ELMO1: variants seen among roughly 807,000 people sequenced by gnomAD.
The protein encoded by ELMO1 is engulfment and cell motility 1.
ELMO1 carries 26 observed loss-of-function variants against 98.9 expected under a neutral mutation model. The observed-to-expected ratio is 0.26, with a 90% CI of 0.19 to 0.36. The LOEUF (loss-of-function observed/expected upper bound fraction) is 0.36, where lower values mean the gene tolerates loss of function less well. ELMO1 is among the 10% of genes least tolerant of loss of function. The pLI is 1.00. For missense variants in ELMO1, 627 were observed against 935.2 expected (o/e 0.67, Z 4.30); for synonymous variants, 346 against 346.0 (o/e 1.00, Z 0.00).
intron 1 of ELMO1, among the ~76,000 whole-genome samples, chr7:37,349,706 G>T (rs2724013): frequency 0.37 from 56,738 of 151,964 alleles, 11,056 homozygotes; most frequent in Middle Eastern, 0.48. Context: ...TGCCCACCTC[G>T]GCCTCCCCAA....
chr7:37,130,993 C>T (rs1786882577), intron 14 of ELMO1, among the ~76,000 whole-genome samples: 1 of 151,984 alleles, frequency 6.6e-6, no homozygotes, highest in Non-Finnish European at 1.5e-5. Flanking sequence ...CAGAAAAGAC[C>T]ATTGAGCTCA....
At chr7:37,170,555 C>G (rs1348937355) in intron 13 of ELMO1, among the ~76,000 whole-genome samples, 2 of 120,402 alleles carry the variant, frequency 1.7e-5, no homozygotes, top group Admixed American at 9.1e-5. Flanking sequence ...CTAACTTACT[C>G]TTTTATTTCC....
At chr7:37,437,248 A>G (rs1289203074) in intron 1 of ELMO1, among the ~76,000 whole-genome samples, 1 of 152,232 alleles carries the variant, frequency 6.6e-6, no homozygotes, top group African/African-American at 2.4e-5. Flanking sequence ...TGGAATCAAG[A>G]AAAGGGAAAG....
intron 1 of ELMO1, among the ~76,000 whole-genome samples, chr7:37,442,990 T>C (rs1471616282): frequency 6.6e-6 from 1 of 152,242 alleles, no homozygotes; most frequent in Non-Finnish European, 1.5e-5. Flanking sequence ...TGACATTTCA[T>C]TCCTCCAAGC....
chr7:37,027,866 G>C (rs896875606), intron 15 of ELMO1, among the ~76,000 whole-genome samples: 2 of 152,032 alleles, frequency 1.3e-5, no homozygotes, highest in Non-Finnish European at 2.9e-5. Context: ...GAATGCTAAA[G>C]GATAAGGCAT....
At chr7:37,331,969 G>A (rs1483679414) in intron 2 of ELMO1, among the ~76,000 whole-genome samples, 1 of 152,158 alleles carries the variant, frequency 6.6e-6, no homozygotes, top group Non-Finnish European at 1.5e-5. Flanking sequence ...AAGCAAGGCA[G>A]ACAGGCAGAT....
chr7:36,906,119 G>C (rs1159541661), intron 16 of ELMO1, among the ~76,000 whole-genome samples: 4 of 152,222 alleles, frequency 2.6e-5, no homozygotes, highest in Admixed American at 1.3e-4. Context: ...CATCAGGCAA[G>C]GCTGCTGAAC....
Position 37,222,681 on chromosome 7 carries a change from T to G in ELMO1, c.714A>C (p.Glu238Asp), listed in dbSNP as rs537643098. The G allele has an allele frequency of 3.7e-6, 6 of 1,613,918 alleles. No homozygotes were observed. In the South Asian group the frequency reaches 4.4e-5, roughly 12 times the overall value. ...TCACTGCAATAGTATAGGTTTGGATTTCTTGATCTGACCTGTAAAGATAGA... is the reference window on the plus strand; with the variant it reads ...TCACTGCAATAGTATAGGTTTGGATGTCTTGATCTGACCTGTAAAGATAGA... ...LIPHLQGSDQ[E>D]IQTYTIAVIN... Residue 238 changes from glutamate to aspartate, a missense_variant, in exon 10 of 22, where the codon GAA becomes GAC. Physicochemically the swap from Glu to Asp is conservative, Grantham distance 45. Around this residue, in one of 3 missense-constraint regions of ELMO1, gnomAD observed 492 missense variants for 715.6 expected, o/e 0.69. Transcript: ENST00000310758.
At chr7:37,136,187 T>TA (rs1787251200) in intron 13 of ELMO1, among the ~76,000 whole-genome samples, 1 of 151,940 alleles carries the variant, frequency 6.6e-6, no homozygotes, top group African/African-American at 2.4e-5. Context: ...AAAAAGAATT[T>TA]AAAAAATGAA....
intron 15 of ELMO1, among the ~76,000 whole-genome samples, chr7:37,016,528 A>C (rs542868660): frequency 5.9e-5 from 9 of 152,260 alleles, no homozygotes; most frequent in African/African-American, 1.7e-4. Flanking sequence ...TGCTGCTTTG[A>C]AAATTAATTC....
At chr7:36,876,990 GC>G (rs1434163538) in intron 19 of ELMO1, among the ~76,000 whole-genome samples, 1 of 152,232 alleles carries the variant, frequency 6.6e-6, no homozygotes, top group Non-Finnish European at 1.5e-5. Flanking sequence ...AATGTTCTAG[GC>G]TATCTGCCTG....
At chr7:37,280,384 G>A (rs982380184) in intron 4 of ELMO1, among the ~76,000 whole-genome samples, 3 of 152,150 alleles carry the variant, frequency 2.0e-5, no homozygotes, top group African/African-American at 4.8e-5. Context: ...CTTTTGCACA[G>A]CAAAGGGAAC....
chr7:37,326,179 T>C (rs1394265920), intron 2 of ELMO1, among the ~76,000 whole-genome samples: 1 of 152,144 alleles, frequency 6.6e-6, no homozygotes, highest in Non-Finnish European at 1.5e-5. Flanking sequence ...GACCCAAGAT[T>C]CAAGCAATTA....
intron 15 of ELMO1, among the ~76,000 whole-genome samples, chr7:37,026,426 C>T (rs1794582772): frequency 6.6e-6 from 1 of 152,162 alleles, no homozygotes; most frequent in African/African-American, 2.4e-5. Context: ...CCAAGGATTG[C>T]TCATTGAACA....
At chr7:37,374,663 A>G (rs948925185) in intron 1 of ELMO1, among the ~76,000 whole-genome samples, 1 of 151,786 alleles carries the variant, frequency 6.6e-6, no homozygotes, top group Non-Finnish European at 1.5e-5. Flanking sequence ...AGGCAGGAGA[A>G]TCACTTGAAC....
At chr7:37,109,504 T>C (rs767116994) in intron 14 of ELMO1, among the ~76,000 whole-genome samples, 2 of 151,912 alleles carry the variant, frequency 1.3e-5, no homozygotes, top group Non-Finnish European at 2.9e-5. Flanking sequence ...CTGCCTCCAC[T>C]CTGCACTCCT....
Position 37,347,626 on chromosome 7 carries a change from T to C in ELMO1, c.-73-4863A>G, listed in dbSNP as rs536733304. 2.0e-5 allele frequency among the ~76,000 whole-genome samples: 3 copies of C among 152,316 alleles called. No homozygotes were observed. The South Asian group carries it at 6.2e-4, about 32-fold the overall frequency. ...TCTCATTCTCTCCTGTCTGCCGCCA[T>C]GTAAGAGCCTTCTGCCATGATGGTG... On this transcript the variant is annotated intron_variant, in intron 1 of 21. Transcript: ENST00000310758.
At position 37,213,321 on chromosome 7, in the gene ELMO1, C is replaced by A; in HGVS notation, c.954+14G>T. On this transcript the variant is annotated intron_variant, in intron 12 of 21. Transcript: ENST00000310758. Reference sequence around the variant, plus strand: ...TCCTTCCTGTGCTTTGACTGCTGTCCAATGAGCACTCACCTGGTCCTGGGG... The same window carrying A: ...TCCTTCCTGTGCTTTGACTGCTGTCAAATGAGCACTCACCTGGTCCTGGGG... 1 of 1,611,394 alleles carries A rather than the reference C, an allele frequency of 6.2e-7. No homozygotes were observed. The highest frequency in any genetic ancestry group is 1.1e-5 in the South Asian group (1 of 90,782).
chr7:36,905,342 G>A (rs543657992), intron 16 of ELMO1, among the ~76,000 whole-genome samples: 49 of 152,208 alleles, frequency 3.2e-4, no homozygotes, highest in Non-Finnish European at 6.5e-4. Context: ...AGTAACTCCT[G>A]GGGTGCTGCT....
Sources: gnomAD v4.1 joint callset for allele counts (sites outside exome capture counted in the v4.1 genomes callset) on GRCh38, gnomAD v4.1.1 for gene constraint, gnomAD v4.1.1 regional missense constraint, MANE v1.5 for transcripts, NCBI Gene and HGNC (gene_info 2026-07-23, HGNC 2026-07-21) for gene names.